PDE8A: variants seen among roughly 807,000 people sequenced by gnomAD.
PDE8A encodes the protein phosphodiesterase 8A, also known as high affinity cAMP-specific and IBMX-insensitive 3',5'-cyclic phosphodiesterase 8A.
A neutral mutation model predicts 105.0 loss-of-function variants in PDE8A; 59 were observed. That is an observed-to-expected ratio of 0.56 (90% CI 0.46 to 0.70). PDE8A has a LOEUF of 0.70. Among genes scored for constraint, PDE8A ranks in the 30% least tolerant of loss-of-function variants. PDE8A has a pLI of 0.00. For synonymous variants in PDE8A, 355 were observed against 371.9 expected, an observed-to-expected ratio of 0.95 and a Z score of 0.52; for missense variants, 1,014 against 1,045.9, an observed-to-expected ratio of 0.97 and a Z score of 0.42.
chr15:85,008,451 C>T lies in PDE8A; in HGVS notation c.186+26103C>T, dbSNP rs139396566. 3.0e-3 allele frequency among the ~76,000 whole-genome samples: 452 copies of T among 152,154 alleles called. 2 individuals carry two copies. The highest frequency in any genetic ancestry group is 0.01 in the African/African-American group (423 of 41,526). ...GACCCTTCCTCCATACTGTGTAACT[C>T]ATCCCCCACCCCCAGTTCAGTTGGA... On this transcript the variant is annotated intron_variant, in intron 1 of 21. Coordinates refer to ENST00000394553, the MANE Select transcript of PDE8A (RefSeq NM_002605.3).
chr15:85,113,107 G>T (rs1402393702), intron 12 of PDE8A, among the ~76,000 whole-genome samples: 1 of 152,164 alleles, frequency 6.6e-6, no homozygotes, highest in East Asian at 1.9e-4. Flanking sequence ...GTTTGACTTG[G>T]GCTTGCTAGA....
chr15:85,126,386 C>A lies in PDE8A; in HGVS notation c.2253+12C>A. 6.5e-7 allele frequency: 1 copy of A among 1,538,776 alleles called. No individual in the cohort carries two copies. The highest frequency in any genetic ancestry group is 8.8e-7 in the Non-Finnish European group (1 of 1,135,954). On this transcript the variant is annotated intron_variant, in intron 20 of 21. Transcript: ENST00000394553. ...AATATTTTTCTCAGGTAAGTTGCTG[C>A]CTCTTTTAAGTTTCTAGAGAGAGAG... is the stretch of plus-strand genomic sequence containing the variant.
At chr15:85,040,962 C>T (rs2080797549) in intron 1 of PDE8A, among the ~76,000 whole-genome samples, 1 of 151,442 alleles carries the variant, frequency 6.6e-6, no homozygotes, top group African/African-American at 2.4e-5. Context: ...TATTATTATC[C>T]CCTAGTTAGA....
chr15:85,132,557 T>G (rs748816963), intron 20 of PDE8A, among the ~76,000 whole-genome samples: 1 of 152,060 alleles, frequency 6.6e-6, no homozygotes, highest in Admixed American at 6.6e-5. Flanking sequence ...CCTCTGCCTC[T>G]TGGGTTTAAG....
At chr15:85,078,145 CAAAA>C (rs34715649) in intron 5 of PDE8A, among the ~76,000 whole-genome samples, 1 of 120,000 alleles carries the variant, frequency 8.3e-6, no homozygotes. Context: ...AGTGAAACTG[CAAAA>C]AAAAAAAAAA....
chr15:85,109,158 T>C, intron 12 of PDE8A, 28 bp downstream of exon 12: 1 of 1,501,392 alleles, frequency 6.7e-7, no homozygotes, highest in South Asian at 1.1e-5. Context: ...GAGAAAAAAA[T>C]GTGATCAAAT....
chr15:85,092,135 T>C (rs2081654713), intron 8 of PDE8A, among the ~76,000 whole-genome samples: 1 of 152,000 alleles, frequency 6.6e-6, no homozygotes, highest in South Asian at 2.1e-4. Context: ...TTGGACCCCA[T>C]GAAGACACCA....
intron 6 of PDE8A, 148 bp from the exon 7 acceptor site, chr15:85,089,190 A>AG (rs1362418997): frequency 3.5e-6 from 2 of 576,318 alleles, no homozygotes. Flanking sequence ...AGGGGCTTGC[A>AG]GGGGGGTGTT....
chr15:84,982,392 C>G (rs762735925), intron 1 of PDE8A, 44 bp downstream of exon 1: 11 of 1,253,714 alleles, frequency 8.8e-6, no homozygotes, highest in Admixed American at 8.4e-5. Context: ...AAACTCGGGC[C>G]CGGCCAGTAA....
chr15:85,056,433 A>G (rs575976422), intron 1 of PDE8A, among the ~76,000 whole-genome samples: 10 of 152,194 alleles, frequency 6.6e-5, no homozygotes, highest in African/African-American at 1.9e-4. Context: ...CTCCCCATCA[A>G]TTTCAGGTAC....
chr15:85,008,401 T>C (rs1293288998), intron 1 of PDE8A, among the ~76,000 whole-genome samples: 3 of 151,972 alleles, frequency 2.0e-5, no homozygotes, highest in Non-Finnish European at 4.4e-5. Flanking sequence ...CCTTGAACCT[T>C]AGCTATATCT....
intron 21 of PDE8A, among the ~76,000 whole-genome samples, chr15:85,137,325 C>T (rs1361806756): frequency 6.6e-6 from 1 of 152,184 alleles, no homozygotes; most frequent in Non-Finnish European, 1.5e-5. Flanking sequence ...CAGCTCACTG[C>T]TTCTGGGACT....
chr15:85,074,659 A>C (rs776045812), intron 3 of PDE8A, among the ~76,000 whole-genome samples: 2 of 152,304 alleles, frequency 1.3e-5, no homozygotes, highest in Non-Finnish European at 2.9e-5. Flanking sequence ...CCTGGTGACA[A>C]ATAGGAACCT....
intron 8 of PDE8A, among the ~76,000 whole-genome samples, chr15:85,092,630 T>C (rs1326135046): frequency 6.6e-6 from 1 of 152,160 alleles, no homozygotes; most frequent in African/African-American, 2.4e-5. Context: ...CAACTGGGTA[T>C]GAACCAGGAT....
chr15:85,063,986 G>A (rs1291053474), intron 1 of PDE8A: 1 of 164,510 alleles, frequency 6.1e-6, no homozygotes, highest in African/African-American at 2.4e-5. Context: ...ATGGAAATAG[G>A]CACAGAGGGA....
intron 6 of PDE8A, among the ~76,000 whole-genome samples, chr15:85,088,755 AT>A (rs1596505810): frequency 6.6e-6 from 1 of 152,098 alleles, no homozygotes; most frequent in South Asian, 2.1e-4. Flanking sequence ...TTATTTTCTA[AT>A]TTTTTTCAAT....
chr15:85,050,418 A>G (rs1291829215), intron 1 of PDE8A, among the ~76,000 whole-genome samples: 3 of 152,104 alleles, frequency 2.0e-5, no homozygotes, highest in Non-Finnish European at 2.9e-5. Context: ...ATTTTGCCCT[A>G]TATTCTCTTT....
chr15:85,062,653 G>A (rs1355084077), intron 1 of PDE8A: 4 of 152,252 alleles, frequency 2.6e-5, no homozygotes. Context: ...GGTCCTGCAA[G>A]TTGTGTTCAG....
intron 20 of PDE8A, among the ~76,000 whole-genome samples, chr15:85,134,238 C>G (rs1178266556): frequency 6.6e-6 from 1 of 152,236 alleles, no homozygotes; most frequent in Non-Finnish European, 1.5e-5. Context: ...AAAGACAGAA[C>G]AGCCTCTGGA....
Sources: gnomAD v4.1 joint callset for allele counts (sites outside exome capture counted in the v4.1 genomes callset) on GRCh38, gnomAD v4.1.1 for gene constraint, MANE v1.5 for transcripts, NCBI Gene and HGNC (gene_info 2026-07-23, HGNC 2026-07-21) for gene names.